Variants in OR6P1 observed in about 807,000 individuals in gnomAD.
OR6P1 encodes olfactory receptor 6P1.
OR6P1 carries 5 observed loss-of-function variants against 6.6 expected under a neutral mutation model. The observed-to-expected ratio is 0.76, with a 90% CI of 0.40 to 1.60. The LOEUF (loss-of-function observed/expected upper bound fraction) is 1.60. OR6P1 is among the 40% of genes most tolerant of loss of function. The pLI, the probability that OR6P1 is intolerant of heterozygous loss-of-function variation, is 0.02. For missense variants in OR6P1, 451 were observed against 383.0 expected, an observed-to-expected ratio of 1.18 and a Z score of -1.48; for synonymous variants, 177 against 149.6, an observed-to-expected ratio of 1.18 and a Z score of -1.33.
At chr1:158,566,362 A>G (rs1327556797) in intron 2 of OR6P1, among the ~76,000 whole-genome samples, 1 of 152,126 alleles carries the variant, frequency 6.6e-6, no homozygotes, top group Non-Finnish European at 1.5e-5. Context: ...GTTTAAAGAG[A>G]AGGTATGAGT....
chr1:158,568,652 C>T (rs1433724906), intron 1 of OR6P1, among the ~76,000 whole-genome samples: 1 of 152,034 alleles, frequency 6.6e-6, no homozygotes, highest in African/African-American at 2.4e-5. Context: ...TCAACATTAC[C>T]CTCCCCTTTA....
intron 2 of OR6P1, among the ~76,000 whole-genome samples, chr1:158,566,140 A>AG (rs1361494546): frequency 6.6e-6 from 1 of 152,198 alleles, no homozygotes; most frequent in African/African-American, 2.4e-5. Context: ...TTAAAAAAAA[A>AG]TTAAAGAGAA....
chr1:158,562,761 C>A lies in OR6P1; in HGVS notation c.844G>T (p.Val282Leu), dbSNP rs929059707. The A allele has an allele frequency of 2.6e-6, 4 of 1,556,028 alleles. No individual in the cohort carries two copies. The African/African-American group carries it at 5.5e-5, about 21-fold the overall frequency. Reference protein sequence around the residue: ...KIISVLYTIIVPFFNPAIYCL... With the variant: ...KIISVLYTIILPFFNPAIYCL... ...TAGATGGCTGGGTTGAAGAATGGTACAATGATAGTGTAGAGCACAGAGATA... is the reference window on the plus strand; with the variant it reads ...TAGATGGCTGGGTTGAAGAATGGTAAAATGATAGTGTAGAGCACAGAGATA... Residue 282 changes from valine (V) to leucine (L), a missense_variant, in exon 3 of 3, where the codon GTA (valine) becomes TTA (leucine). Val to Leu is a conservative substitution (Grantham distance 32). Coordinates refer to ENST00000641540, the MANE Select transcript of OR6P1 (RefSeq NM_001160325.2).
chr1:158,568,966 A>G (rs575080233), intron 1 of OR6P1, among the ~76,000 whole-genome samples: 17 of 152,298 alleles, frequency 1.1e-4, no homozygotes, highest in African/African-American at 3.6e-4. Flanking sequence ...TAACCAACGT[A>G]TATTTATCAA....
intron 2 of OR6P1, among the ~76,000 whole-genome samples, chr1:158,563,943 A>G (rs1208273273): frequency 6.6e-6 from 1 of 152,184 alleles, no homozygotes; most frequent in Admixed American, 6.5e-5. Context: ...AAACAACAAT[A>G]AACTCCTAAG....
chr1:158,563,827 A>G (rs982748938), intron 2 of OR6P1, among the ~76,000 whole-genome samples: 4 of 152,168 alleles, frequency 2.6e-5, no homozygotes, highest in Non-Finnish European at 5.9e-5. Context: ...AGCAATCTTA[A>G]CTACAGTGGG....
intron 1 of OR6P1, among the ~76,000 whole-genome samples, chr1:158,567,634 G>C (rs1160927177): frequency 7.0e-6 from 1 of 142,650 alleles, no homozygotes; most frequent in Non-Finnish European, 1.5e-5. Flanking sequence ...TCACACTCTG[G>C]GGACTGTTGT....
rs1215658187 is a variant in OR6P1, at chr1:158,562,568, G to A, written c.*83C>T. On this transcript the variant is annotated 3_prime_UTR_variant, in exon 3 of 3. Coordinates refer to ENST00000641540, the MANE Select transcript of OR6P1 (RefSeq NM_001160325.2). The stretch of plus-strand genomic sequence containing the variant: ...GAAAATGTTGGCAAATTATATTTAT[G>A]TTCCCTTAAAGCCTATTCTGATTCC... 2.4e-5 allele frequency: 18 copies of A among 749,384 alleles called. No homozygotes were observed. The highest frequency in any genetic ancestry group is 3.4e-5 in the Non-Finnish European group (15 of 444,106). 46.4% of individuals were successfully genotyped at this position (749,384 alleles called of 1,614,324 possible).
chr1:158,567,774 C>T (rs984368837), intron 1 of OR6P1, among the ~76,000 whole-genome samples: 6 of 118,590 alleles, frequency 5.1e-5, no homozygotes, highest in Non-Finnish European at 1.8e-5. Flanking sequence ...GCACATGTAC[C>T]CTAAAACTTA....
chr1:158,565,205 AT>A (rs775784245), intron 2 of OR6P1, among the ~76,000 whole-genome samples: 12 of 152,084 alleles, frequency 7.9e-5, no homozygotes, highest in Non-Finnish European at 1.8e-4. Flanking sequence ...TTTATCAGAC[AT>A]TTATGTGGCC....
Position 158,562,688 on chromosome 1 carries a change from A to C in OR6P1, c.917T>G (p.Met306Arg). 6.4e-7 allele frequency: 1 copy of C among 1,557,538 alleles called. No homozygotes were observed. The highest frequency in any genetic ancestry group is 8.7e-7 in the Non-Finnish European group (1 of 1,149,874). Residue 306 changes from methionine (M) to arginine (R), a missense_variant, in exon 3 of 3, where the codon ATG becomes AGG. Coordinates refer to ENST00000641540, the MANE Select transcript of OR6P1 (RefSeq NM_001160325.2). ...EVKEAFRKTV[M>R]GRCHYPRDVQ... Reference sequence around the variant, plus strand: ...ATCCCTAGGATAGTGACATCTGCCCATCACTGTCTTCCTGAAGGCCTCCTT... The same window carrying C: ...ATCCCTAGGATAGTGACATCTGCCCCTCACTGTCTTCCTGAAGGCCTCCTT...
At chr1:158,566,343 G>A (rs567603440) in intron 2 of OR6P1, among the ~76,000 whole-genome samples, 15 of 152,220 alleles carry the variant, frequency 9.9e-5, no homozygotes, top group African/African-American at 1.9e-4. Flanking sequence ...GATACTTTTC[G>A]GAGTGAGAGT....
chr1:158,564,881 T>C (rs1431597360), intron 2 of OR6P1, among the ~76,000 whole-genome samples: 2 of 152,240 alleles, frequency 1.3e-5, no homozygotes, highest in Non-Finnish European at 2.9e-5. Context: ...ACATTGTCAG[T>C]GACCTGACGT....
chr1:158,563,472 T>C lies in OR6P1; in HGVS notation c.133A>G (p.Ile45Val). 6.4e-7 allele frequency: 1 copy of C among 1,551,084 alleles called. No individual in the cohort carries two copies. Among genetic ancestry groups the C allele is most frequent in the Non-Finnish European group, 8.7e-7 (1 of 1,146,820 alleles). The change falls in exon 3 of 3, where the codon ATT becomes GTT. Residue 45 changes from isoleucine (I) to valine (V), a missense_variant. Transcript: ENST00000641540. ...YLLTLLENALIVFTIWLAPSL... is the reference protein window; with the variant it reads ...YLLTLLENALVVFTIWLAPSL... The stretch of plus-strand genomic sequence containing the variant: ...GGAGCAAGCCATATTGTGAAGACAA[T>C]AAGTGCATTCTCCAACAATGTCAGA...
chr1:158,565,376 C>T (rs533275971), intron 2 of OR6P1, among the ~76,000 whole-genome samples: 3 of 152,024 alleles, frequency 2.0e-5, no homozygotes, highest in Admixed American at 6.6e-5. Flanking sequence ...CACAAATGAG[C>T]GTATCTTTTT....
intron 2 of OR6P1, among the ~76,000 whole-genome samples, chr1:158,565,806 G>A (rs971860951): frequency 1.3e-5 from 2 of 152,086 alleles, no homozygotes; most frequent in African/African-American, 4.8e-5. Flanking sequence ...ACATATAAGT[G>A]ATATTGATGT....
chr1:158,567,075 A>C (rs1428922152), intron 1 of OR6P1, among the ~76,000 whole-genome samples: 2 of 151,868 alleles, frequency 1.3e-5, no homozygotes, highest in Non-Finnish European at 2.9e-5. Context: ...AGAGAAATGC[A>C]AATCAAAACC....
intron 1 of OR6P1, among the ~76,000 whole-genome samples, chr1:158,568,022 A>T (rs1648141396): frequency 6.6e-6 from 1 of 151,842 alleles, no homozygotes; most frequent in Non-Finnish European, 1.5e-5. Context: ...CACCTTCACG[A>T]GTTTCAAGCT....
chr1:158,565,458 C>T (rs775864401), intron 2 of OR6P1, among the ~76,000 whole-genome samples: 1 of 151,970 alleles, frequency 6.6e-6, no homozygotes, highest in Non-Finnish European at 1.5e-5. Context: ...TTTATAATTG[C>T]AAGTCTTTTA....
Sources: gnomAD v4.1 joint callset for allele counts (sites outside exome capture counted in the v4.1 genomes callset) on GRCh38, gnomAD v4.1.1 for gene constraint, MANE v1.5 for transcripts, NCBI Gene and HGNC (gene_info 2026-07-23, HGNC 2026-07-21) for gene names.